Variants in MICAL3 observed in about 807,000 individuals in gnomAD.
The protein encoded by MICAL3 is [F-actin]-monooxygenase MICAL3.
Under a neutral mutation model 207.4 loss-of-function variants are expected in MICAL3, and 62 were observed. The observed-to-expected ratio is 0.30, with a 90% CI of 0.24 to 0.37. The LOEUF is 0.37. MICAL3 is among the 10% of genes least tolerant of loss of function. The probability of loss-of-function intolerance (pLI) is 1.00; values close to 1 mark genes in which losing one functional copy is unlikely to be tolerated. For synonymous variants in MICAL3, 1,077 were observed against 1,069.3 expected, an observed-to-expected ratio of 1.01 and a Z score of -0.14; for missense variants, 2,368 against 2,635.6, an observed-to-expected ratio of 0.90 and a Z score of 2.22.
intron 8 of MICAL3, 125 bp downstream of exon 8, chr22:17,896,599 C>G: frequency 9.8e-7 from 1 of 1,020,452 alleles, no homozygotes; most frequent in Non-Finnish European, 1.4e-6. Context: ...CCTGGTGTGA[C>G]TCCTGCAGGG....
At chr22:17,970,312 A>G (rs7284490) in intron 1 of MICAL3, among the ~76,000 whole-genome samples, 10,663 of 152,262 alleles carry the variant, frequency 0.07, 788 homozygotes, top group African/African-American at 0.2. Flanking sequence ...GCGGCTGACC[A>G]GCTGCTGGCC....
chr22:17,810,211 T>C lies in MICAL3; in HGVS notation c.5556+492A>G, dbSNP rs775847084. Among the ~76,000 whole-genome samples, 16 of 152,106 alleles carry C rather than the reference T, an allele frequency of 1.1e-4. No homozygotes were observed. In the East Asian group the frequency reaches 1.4e-3, roughly 13 times the overall value. On this transcript the variant is annotated intron_variant, in intron 28 of 31. Transcript: ENST00000441493. Reference sequence around the variant, plus strand: ...CCGAGTAGCTGGGACTACAGGCACTTGCCACCACGCCTGGCTAATTTTTTG... The same window carrying C: ...CCGAGTAGCTGGGACTACAGGCACTCGCCACCACGCCTGGCTAATTTTTTG...
chr22:17,969,647 T>A (rs984755141), intron 1 of MICAL3, among the ~76,000 whole-genome samples: 2 of 152,252 alleles, frequency 1.3e-5, no homozygotes, highest in East Asian at 3.8e-4. Flanking sequence ...GGACTGTTAC[T>A]CTGTTCTGTG....
chr22:17,932,143 C>G (rs1602242491), intron 1 of MICAL3, among the ~76,000 whole-genome samples: 1 of 152,134 alleles, frequency 6.6e-6, no homozygotes, highest in Non-Finnish European at 1.5e-5. Context: ...CAAAGATACT[C>G]CTTGAGAAGA....
intron 1 of MICAL3, among the ~76,000 whole-genome samples, chr22:18,017,121 C>T (rs1233159608): frequency 6.6e-6 from 1 of 152,168 alleles, no homozygotes; most frequent in East Asian, 1.9e-4. Flanking sequence ...TTCCAAAGGC[C>T]CAAGTCAGTC....
At chr22:17,799,246 G>A (rs949835315) in intron 29 of MICAL3, among the ~76,000 whole-genome samples, 2 of 152,136 alleles carry the variant, frequency 1.3e-5, no homozygotes, top group African/African-American at 4.8e-5. Flanking sequence ...GCTGGGTGTG[G>A]TGGCGCACGC....
chr22:17,872,511 AG>A (rs1927825504), intron 16 of MICAL3, among the ~76,000 whole-genome samples: 1 of 152,236 alleles, frequency 6.6e-6, no homozygotes, highest in Non-Finnish European at 1.5e-5. Context: ...TTCTGAGGGT[AG>A]CTGTATCTGT....
Position 17,904,844 on chromosome 22 carries a change from A to G in MICAL3, c.265-5T>C. ...GCCAGCCCCAATGATGAGACACTGA[A>G]AAACACAGCTGCTTTCAGGGCAGGC... On this transcript the variant is annotated splice_region_variant and splice_polypyrimidine_tract_variant and intron_variant, in intron 2 of 31. Transcript: ENST00000441493. 1 of 1,608,536 alleles carries G rather than the reference A, an allele frequency of 6.2e-7. No homozygotes were observed. The highest frequency in any genetic ancestry group is 8.5e-7 in the Non-Finnish European group (1 of 1,174,920).
intron 1 of MICAL3, among the ~76,000 whole-genome samples, chr22:17,924,851 T>C (rs1243553561): frequency 1.3e-5 from 2 of 152,130 alleles, no homozygotes; most frequent in Non-Finnish European, 2.9e-5. Context: ...CCACAATAGC[T>C]CCAGTGCTCT....
intron 1 of MICAL3, among the ~76,000 whole-genome samples, chr22:18,022,227 A>G (rs1924527189): frequency 6.6e-6 from 1 of 152,068 alleles, no homozygotes; most frequent in African/African-American, 2.4e-5. Flanking sequence ...CTGCAACAGT[A>G]CCTGTGGGGA....
At chr22:17,914,085 C>T (rs1400793180) in intron 1 of MICAL3, among the ~76,000 whole-genome samples, 2 of 152,202 alleles carry the variant, frequency 1.3e-5, no homozygotes, top group Non-Finnish European at 2.9e-5. Context: ...CTGTTATCAT[C>T]CAGCAGTTTA....
chr22:17,847,257 TG>T (rs1422893630), intron 19 of MICAL3, among the ~76,000 whole-genome samples: 4 of 152,230 alleles, frequency 2.6e-5, no homozygotes, highest in African/African-American at 9.6e-5. Flanking sequence ...GGGCCTCTTC[TG>T]CCTCTTTCTG....
chr22:17,866,241 A>G (rs184618581), intron 17 of MICAL3, among the ~76,000 whole-genome samples: 1 of 152,224 alleles, frequency 6.6e-6, no homozygotes, highest in East Asian at 1.9e-4. Flanking sequence ...TCCTTTGGGA[A>G]TGTGAAGGCC....
At chr22:17,907,220 G>GC (rs1009544687) in intron 1 of MICAL3, among the ~76,000 whole-genome samples, 2 of 151,806 alleles carry the variant, frequency 1.3e-5, no homozygotes, top group East Asian at 3.9e-4. Context: ...GGTGGTGAAG[G>GC]GGGGGGGTCC....
At chr22:17,827,308 A>G (rs1922306657) in intron 22 of MICAL3, among the ~76,000 whole-genome samples, 1 of 152,180 alleles carries the variant, frequency 6.6e-6, no homozygotes, top group South Asian at 2.1e-4. Context: ...CTCTAAGAAA[A>G]GTACCAGAAC....
At chr22:18,013,065 ACCTCTCTTC>A (rs1273414651) in intron 1 of MICAL3, among the ~76,000 whole-genome samples, 2 of 151,976 alleles carry the variant, frequency 1.3e-5, no homozygotes, top group Non-Finnish European at 2.9e-5. Context: ...ATCTAGTCTG[ACCTCTCTTC>A]CTGGAAGTTG....
At chr22:17,952,123 T>G (rs413494) in intron 1 of MICAL3, among the ~76,000 whole-genome samples, 35,097 of 152,170 alleles carry the variant, frequency 0.23, 4,756 homozygotes, top group East Asian at 0.53. Flanking sequence ...ACTGGCTCCA[T>G]GCTTACTGGA....
intron 1 of MICAL3, among the ~76,000 whole-genome samples, chr22:17,951,300 C>T (rs1255538110): frequency 6.6e-6 from 1 of 152,104 alleles, no homozygotes; most frequent in Non-Finnish European, 1.5e-5. Context: ...ATTCAGTGAG[C>T]CACACAACCT....
intron 26 of MICAL3, among the ~76,000 whole-genome samples, chr22:17,817,013 CCTGGTAGCA>C (rs3078894): frequency 0.083 from 12,616 of 152,248 alleles, 585 homozygotes; most frequent in African/African-American, 0.14. Context: ...CCCAGCCCCT[CCTGGTAGCA>C]CTGCCCTCTG....
Sources: gnomAD v4.1 joint callset for allele counts (sites outside exome capture counted in the v4.1 genomes callset) on GRCh38, gnomAD v4.1.1 for gene constraint, MANE v1.5 for transcripts, NCBI Gene and HGNC (gene_info 2026-07-23, HGNC 2026-07-21) for gene names.